The following RRP36 variants were observed in gnomAD, a reference collection of about 807,000 sequenced individuals.
RRP36 encodes ribosomal RNA processing protein 36 homolog.
RRP36 carries 44 observed loss-of-function variants against 39.8 expected under a neutral mutation model. That is an observed-to-expected ratio of 1.10 (90% CI 0.87 to 1.42). The LOEUF (loss-of-function observed/expected upper bound fraction) is 1.42. RRP36 is among the 40% of genes most tolerant of loss of function. RRP36 has a pLI of 0.00. For missense variants in RRP36, 316 were observed against 322.4 expected (o/e 0.98, Z 0.15); for synonymous variants, 124 against 123.1 (o/e 1.01, Z -0.05).
chr6:43,027,359 G>A lies in RRP36; in HGVS notation c.526-1G>A, dbSNP rs751090447. The A allele has an allele frequency of 1.9e-6, 3 of 1,614,048 alleles. No homozygotes were observed. Among genetic ancestry groups the A allele is most frequent in the South Asian group, 2.2e-5 (2 of 91,080 alleles). On this transcript the variant is annotated splice_acceptor_variant, in intron 5 of 6. Transcript: ENST00000244496. LOFTEE classifies it high-confidence loss of function. The stretch of plus-strand genomic sequence containing the variant: ...TCACCCATCTCATCTTTGCTCCTCA[G>A]GAGCAGCAAGAAATGGCACAGCAGG...
At chr6:43,027,939 G>A (rs1762847913) in intron 6 of RRP36, among the ~76,000 whole-genome samples, 1 of 151,452 alleles carries the variant, frequency 6.6e-6, no homozygotes, top group Admixed American at 6.6e-5. Context: ...TTTGTTTCTT[G>A]GTCTACACTG....
Position 43,021,682 on chromosome 6 carries a change from G to A in RRP36, c.28G>A (p.Ala10Thr). Reference sequence around the variant, plus strand: ...GCCGGGAGCTAACTACCGCGCCGGGGCCGGGGCCGGGGCCGGGGCCCGACG... The same window carrying A: ...GCCGGGAGCTAACTACCGCGCCGGGACCGGGGCCGGGGCCGGGGCCCGACG... MPGANYRAGAGAGAGARRPR... is the reference protein window; with the variant it reads MPGANYRAGTGAGAGARRPR... The change falls in exon 1 of 7, where the codon GCC becomes ACC. Residue 10 changes from alanine to threonine, a missense_variant. Ala to Thr is a moderately conservative substitution (Grantham distance 58). Coordinates refer to ENST00000244496, the MANE Select transcript of RRP36 (RefSeq NM_033112.4). 2 of 1,169,148 alleles carry A rather than the reference G, an allele frequency of 1.7e-6. No individual in the cohort carries two copies. 72.4% of individuals were successfully genotyped at this position (1,169,148 alleles called of 1,614,324 possible).
At chr6:43,026,975 G>C (rs1762822571) in intron 4 of RRP36, among the ~76,000 whole-genome samples, 2 of 151,996 alleles carry the variant, frequency 1.3e-5, no homozygotes, top group Non-Finnish European at 2.9e-5. Flanking sequence ...CTGAGGCAGG[G>C]GAATTGCTTG....
chr6:43,022,632 C>CAT (rs1554133649), intron 1 of RRP36, among the ~76,000 whole-genome samples: 1 of 107,096 alleles, frequency 9.3e-6, no homozygotes, highest in Non-Finnish European at 1.8e-5. Flanking sequence ...AAGGTCTCAC[C>CAT]TTTTTTTTTT....
At chr6:43,025,168 T>A (rs780281051) in intron 2 of RRP36, 36 bp downstream of exon 2, 1 of 1,613,514 alleles carries the variant, frequency 6.2e-7, no homozygotes, top group Non-Finnish European at 8.5e-7. Flanking sequence ...GGAAGATAAC[T>A]GGGACCTTGA....
At chr6:43,023,689 A>T (rs1214548583) in intron 1 of RRP36, among the ~76,000 whole-genome samples, 1 of 152,076 alleles carries the variant, frequency 6.6e-6, no homozygotes, top group Non-Finnish European at 1.5e-5. Context: ...AGTCCAGCTC[A>T]AAATAAATAA....
intron 4 of RRP36, 137 bp from the exon 5 acceptor site, chr6:43,027,041 G>A: frequency 2.8e-6 from 2 of 702,400 alleles, no homozygotes; most frequent in Admixed American, 5.0e-5. Flanking sequence ...ACTCAAGCCT[G>A]TGACAGAGCA....
intron 1 of RRP36, among the ~76,000 whole-genome samples, chr6:43,023,731 C>T (rs765649380): frequency 4.9e-4 from 74 of 151,702 alleles, no homozygotes; most frequent in Admixed American, 1.3e-3. Context: ...TAAATTATTA[C>T]ATTAAAAGGC....
intron 1 of RRP36, among the ~76,000 whole-genome samples, chr6:43,022,555 A>G (rs1762741012): frequency 6.6e-6 from 1 of 150,940 alleles, no homozygotes; most frequent in Admixed American, 6.6e-5. Context: ...CTGGGACTGC[A>G]GGCGCGTCAC....
intron 6 of RRP36, among the ~76,000 whole-genome samples, chr6:43,027,828 TACAC>T (rs143577260): frequency 4.1e-4 from 57 of 139,260 alleles, no homozygotes; most frequent in Middle Eastern, 3.7e-3. Flanking sequence ...TCTCTTGGTC[TACAC>T]ACACACACAC....
At chr6:43,026,250 ACT>A (rs1375214858) in intron 4 of RRP36, 109 bp downstream of exon 4, 7 of 652,626 alleles carry the variant, frequency 1.1e-5, no homozygotes, top group Middle Eastern at 4.1e-4. Context: ...GGCAGATTTA[ACT>A]CTCTCCAATT....
intron 5 of RRP36, 54 bp downstream of exon 5, chr6:43,027,306 T>C (rs536206820): frequency 3.1e-6 from 5 of 1,612,258 alleles, no homozygotes; most frequent in Admixed American, 3.3e-5. Flanking sequence ...GTGGGAGATA[T>C]TCACAGATCT....
At chr6:43,028,493 CA>C (rs1762857321) in intron 6 of RRP36, among the ~76,000 whole-genome samples, 1 of 151,004 alleles carries the variant, frequency 6.6e-6, no homozygotes, top group African/African-American at 2.4e-5. Context: ...ACTAAAAATA[CA>C]AAAATTAGCT....
Position 43,028,174 on chromosome 6 carries a change from T to A in RRP36, c.643+697T>A, listed in dbSNP as rs531271624. On this transcript the variant is annotated intron_variant, in intron 6 of 6. Coordinates refer to ENST00000244496, the MANE Select transcript of RRP36 (RefSeq NM_033112.4). ...TGAAACCCTGTCTCTACTAAAGATA[T>A]AAAAAAATTAGCCGGGCCTGGTGGC... Among the ~76,000 whole-genome samples the A allele has an allele frequency of 2.7e-5, 4 of 146,746 alleles. No individual in the cohort carries two copies. The Admixed American group carries it at 2.7e-4, about 10-fold the overall frequency.
At chr6:43,022,502 C>T (rs952425158) in intron 1 of RRP36, among the ~76,000 whole-genome samples, 4 of 152,120 alleles carry the variant, frequency 2.6e-5, no homozygotes, top group Non-Finnish European at 5.9e-5. Flanking sequence ...CGGCCTCGAA[C>T]TCCCGGGCCC....
At chr6:43,028,155 CCT>C (rs1240412980) in intron 6 of RRP36, among the ~76,000 whole-genome samples, 1 of 150,746 alleles carries the variant, frequency 6.6e-6, no homozygotes, top group Admixed American at 6.6e-5. Flanking sequence ...ATGGTGAAAC[CCT>C]GTCTCTACTA....
At chr6:43,025,379 T>C in intron 3 of RRP36, 50 bp downstream of exon 3, 2 of 1,560,520 alleles carry the variant, frequency 1.3e-6, no homozygotes, top group Non-Finnish European at 1.8e-6. Context: ...TCCCAGCACT[T>C]TGGGAGCCCG....
At chr6:43,022,587 GTTTA>G (rs199910113) in intron 1 of RRP36, among the ~76,000 whole-genome samples, 10 of 77,282 alleles carry the variant, frequency 1.3e-4, no homozygotes, top group South Asian at 8.1e-4. Context: ...GGATGGGTTT[GTTTA>G]TTTATTTATT....
chr6:43,028,328 T>C (rs567135170), intron 6 of RRP36, among the ~76,000 whole-genome samples: 1 of 149,932 alleles, frequency 6.7e-6, no homozygotes, highest in Admixed American at 6.7e-5. Flanking sequence ...AGACTCCATC[T>C]CACAGGAAAA....
Sources: allele counts gnomAD v4.1 joint callset (sites outside exome capture counted in the v4.1 genomes callset), GRCh38; gene constraint gnomAD v4.1.1; transcripts MANE v1.5; gene names NCBI Gene and HGNC (gene_info 2026-07-23, HGNC 2026-07-21).